Variants in NXPH1 observed in about 807,000 individuals in gnomAD.
The protein encoded by NXPH1 is neurexophilin-1.
NXPH1 carries 5 observed loss-of-function variants against 23.7 expected under a neutral mutation model. That is an observed-to-expected ratio of 0.21 (90% CI 0.11 to 0.44). NXPH1 has a LOEUF of 0.44. Among genes scored for constraint, NXPH1 ranks in the 20% least tolerant of loss-of-function variants. NXPH1 has a pLI of 0.99. For synonymous variants in NXPH1, 144 were observed against 122.2 expected (o/e 1.18, Z -1.18); for missense variants, 324 against 321.6 (o/e 1.01, Z -0.06).
At chr7:8,678,956 TTTTTTTTG>T (rs1821006058) in intron 2 of NXPH1, among the ~76,000 whole-genome samples, 4 of 76,224 alleles carry the variant, frequency 5.2e-5, no homozygotes, top group African/African-American at 8.9e-5. Context: ...TTTTTTTTTT[TTTTTTTTG>T]TTGAGACGGA....
In NXPH1 at chr7:8,434,183, C is replaced by T. The variant is rs1352150128; in HGVS notation, c.-683C>T. 3 of 153,170 alleles carry T rather than the reference C, an allele frequency of 2.0e-5. No homozygotes were observed. Among genetic ancestry groups the T allele is most frequent in the Non-Finnish European group, 4.4e-5 (3 of 68,664 alleles). 9.5% of individuals were successfully genotyped at this position (153,170 alleles called of 1,614,324 possible). ...GCCGCAGGCTCCAGATTCTCGCCAC[C>T]CCACCCCTCCCTCAGAAACTCGGAC... is the stretch of plus-strand genomic sequence containing the variant. On this transcript the variant is annotated 5_prime_UTR_variant, in exon 1 of 3. Transcript: ENST00000405863. The surrounding 1 kb of genome is among the most constrained non-coding windows in gnomAD (Gnocchi z 7.6).
intron 2 of NXPH1, among the ~76,000 whole-genome samples, chr7:8,715,178 G>A (rs531755138): frequency 6.6e-6 from 1 of 152,144 alleles, no homozygotes; most frequent in Admixed American, 6.5e-5. Context: ...CCCTCTGTGG[G>A]TGCTGGCCAA....
rs1438999360 is a variant in NXPH1, at chr7:8,442,599, T to G, written c.54+6832T>G. On this transcript the variant is annotated intron_variant, in intron 2 of 2. Transcript: ENST00000405863. This position sits in a 1 kb window ranked among gnomAD's most constrained non-coding sequence, Gnocchi z 4.6. ...TCTTCTACAAGAAGCAAGAAACTTT[T>G]TTCGACGTAGGCTTCATACCCTCCC... Among the ~76,000 whole-genome samples, 1 of 152,234 alleles carries G rather than the reference T, an allele frequency of 6.6e-6. No homozygotes were observed. The highest frequency in any genetic ancestry group is 1.5e-5 in the Non-Finnish European group (1 of 68,042).
At chr7:8,724,970 C>T (rs1228748602) in intron 2 of NXPH1, among the ~76,000 whole-genome samples, 1 of 152,220 alleles carries the variant, frequency 6.6e-6, no homozygotes, top group Non-Finnish European at 1.5e-5. Context: ...GCAGCAGCAT[C>T]TGATTCCAAA....
At chr7:8,623,951 A>G (rs915541134) in intron 2 of NXPH1, among the ~76,000 whole-genome samples, 1 of 152,150 alleles carries the variant, frequency 6.6e-6, no homozygotes, top group South Asian at 2.1e-4. Context: ...ATGTTAAAAA[A>G]TTTTTGAATC....
chr7:8,660,175 C>T (rs560349190), intron 2 of NXPH1, among the ~76,000 whole-genome samples: 6 of 152,264 alleles, frequency 3.9e-5, no homozygotes, highest in Admixed American at 6.5e-5. Context: ...TAAATTATTT[C>T]GTTTTAATTC....
chr7:8,495,766 G>T (rs1030665501), intron 2 of NXPH1, among the ~76,000 whole-genome samples: 4 of 152,024 alleles, frequency 2.6e-5, no homozygotes, highest in African/African-American at 9.7e-5. Context: ...TATGTTCCTT[G>T]CATGTGGGAG....
At chr7:8,492,536 T>TG (rs757458209) in intron 2 of NXPH1, among the ~76,000 whole-genome samples, 3 of 151,952 alleles carry the variant, frequency 2.0e-5, no homozygotes, top group Non-Finnish European at 4.4e-5. Flanking sequence ...TGACAGGTTT[T>TG]GGGGGACACA....
At chr7:8,750,900 A>G (rs1484472517) in intron 2 of NXPH1, 108 bp from the exon 3 acceptor site, 2 of 1,141,542 alleles carry the variant, frequency 1.8e-6, no homozygotes, top group East Asian at 4.7e-5. Context: ...GCTTTTAAAA[A>G]AAAGTGTAAT....
intron 2 of NXPH1, among the ~76,000 whole-genome samples, chr7:8,563,934 A>T (rs1173266913): frequency 6.6e-6 from 1 of 151,792 alleles, no homozygotes; most frequent in Non-Finnish European, 1.5e-5. Flanking sequence ...TAAATAAGTG[A>T]TGCTTCTTCA....
At chr7:8,684,424 C>A (rs1821113979) in intron 2 of NXPH1, among the ~76,000 whole-genome samples, 2 of 152,086 alleles carry the variant, frequency 1.3e-5, no homozygotes, top group African/African-American at 2.4e-5. Context: ...TTCTTTCAGG[C>A]CATATTCTGG....
At chr7:8,562,048 G>A (rs955246564) in intron 2 of NXPH1, among the ~76,000 whole-genome samples, 4 of 151,556 alleles carry the variant, frequency 2.6e-5, no homozygotes, top group Admixed American at 2.6e-4. Context: ...ACTGTTCCAG[G>A]CACCATTTTA....
At chr7:8,719,982 C>A (rs1048200411) in intron 2 of NXPH1, among the ~76,000 whole-genome samples, 1 of 152,130 alleles carries the variant, frequency 6.6e-6, no homozygotes, top group African/African-American at 2.4e-5. Flanking sequence ...GCTTCATAAT[C>A]AATTGTCATT....
chr7:8,630,007 G>A (rs75732959), intron 2 of NXPH1, among the ~76,000 whole-genome samples: 5,943 of 152,114 alleles, frequency 0.039, 282 homozygotes, highest in East Asian at 0.17. Context: ...GGCCAAGATG[G>A]GTGGATTGGT....
At chr7:8,720,731 CAAT>C (rs1779957318) in intron 2 of NXPH1, among the ~76,000 whole-genome samples, 1 of 152,152 alleles carries the variant, frequency 6.6e-6, no homozygotes, top group African/African-American at 2.4e-5. Context: ...TTGCATAGTA[CAAT>C]AATATTTTAC....
intron 2 of NXPH1, among the ~76,000 whole-genome samples, chr7:8,467,352 C>G (rs1016419957): frequency 7.2e-5 from 11 of 152,142 alleles, no homozygotes; most frequent in African/African-American, 2.7e-4. Context: ...GGAATTCTCC[C>G]TAAGGTCATA....
rs528607160 is a variant in NXPH1, at chr7:8,716,226, T to G, written c.55-34782T>G. Among the ~76,000 whole-genome samples, 8 of 152,318 alleles carry G rather than the reference T, an allele frequency of 5.3e-5. No individual in the cohort carries two copies. In the South Asian group the frequency reaches 1.7e-3, roughly 32 times the overall value. On this transcript the variant is annotated intron_variant, in intron 2 of 2. Coordinates refer to ENST00000405863, the MANE Select transcript of NXPH1 (RefSeq NM_152745.3). ...CTAAAAATTTCACATCTTACTCTTTTTTATATTACACTCCTCAAAACTTCA... is the reference window on the plus strand; with the variant it reads ...CTAAAAATTTCACATCTTACTCTTTGTTATATTACACTCCTCAAAACTTCA...
At chr7:8,484,049 A>C (rs1237874461) in intron 2 of NXPH1, among the ~76,000 whole-genome samples, 1 of 150,114 alleles carries the variant, frequency 6.7e-6, no homozygotes, top group Non-Finnish European at 1.5e-5. Context: ...CATTTGCTTC[A>C]GTAAGCCTTG....
intron 2 of NXPH1, among the ~76,000 whole-genome samples, chr7:8,507,497 T>A (rs1817547514): frequency 6.6e-6 from 1 of 152,108 alleles, no homozygotes; most frequent in East Asian, 1.9e-4. Flanking sequence ...AATATTTTAA[T>A]TCATGTTTTA....
Sources: gnomAD v4.1 joint callset for allele counts (sites outside exome capture counted in the v4.1 genomes callset) on GRCh38, gnomAD v4.1.1 for gene constraint, Gnocchi (gnomAD v3.1) non-coding constraint, MANE v1.5 for transcripts, NCBI Gene and HGNC (gene_info 2026-07-23, HGNC 2026-07-21) for gene names.